Variants in SGCZ observed in about 807,000 individuals in gnomAD.
The protein encoded by SGCZ is sarcoglycan zeta.
In SGCZ, 40 loss-of-function variants were observed where a neutral mutation model predicts 41.3. The observed-to-expected ratio is 0.97, with a 90% CI of 0.75 to 1.26. SGCZ has a LOEUF of 1.26. SGCZ is among the 50% of genes most tolerant of loss of function. The pLI, the probability that SGCZ is intolerant of heterozygous loss-of-function variation, is 0.00. For missense variants in SGCZ, 552 were observed against 369.8 expected, an observed-to-expected ratio of 1.49 and a Z score of -4.04; for synonymous variants, 206 against 137.5, an observed-to-expected ratio of 1.50 and a Z score of -3.49.
chr8:14,374,973 G>A (rs1196142689), intron 2 of SGCZ, among the ~76,000 whole-genome samples: 2 of 152,142 alleles, frequency 1.3e-5, no homozygotes, highest in African/African-American at 4.8e-5. Context: ...ATTATGTAAG[G>A]TTTCAGGTTT....
At chr8:14,177,815 C>T (rs376143421) in intron 4 of SGCZ, among the ~76,000 whole-genome samples, 15 of 151,544 alleles carry the variant, frequency 9.9e-5, no homozygotes, top group Admixed American at 7.9e-4. Flanking sequence ...TGAGCCACTG[C>T]GCCCGGCCCT....
At chr8:14,343,217 A>G (rs1206630384) in intron 2 of SGCZ, among the ~76,000 whole-genome samples, 1 of 152,230 alleles carries the variant, frequency 6.6e-6, no homozygotes. Context: ...AACCTCTGCT[A>G]GTGCAGTCCA....
intron 1 of SGCZ, among the ~76,000 whole-genome samples, chr8:14,891,208 G>C (rs1365303246): frequency 6.6e-6 from 1 of 152,220 alleles, no homozygotes; most frequent in Non-Finnish European, 1.5e-5. Context: ...GTCACAGATA[G>C]TAATTCCTCT....
intron 2 of SGCZ, among the ~76,000 whole-genome samples, chr8:14,410,242 G>A (rs1799322837): frequency 6.6e-6 from 1 of 152,010 alleles, no homozygotes; most frequent in Admixed American, 6.6e-5. Context: ...TTCTGCCTGT[G>A]GAAAACTGTC....
intron 3 of SGCZ, among the ~76,000 whole-genome samples, chr8:14,267,833 T>G (rs1585301095): frequency 1.3e-5 from 2 of 152,042 alleles, no homozygotes; most frequent in African/African-American, 4.8e-5. Context: ...CATTCTGTGT[T>G]TATCTCATAT....
chr8:14,857,145 A>G (rs1392769731), intron 1 of SGCZ, among the ~76,000 whole-genome samples: 2 of 152,098 alleles, frequency 1.3e-5, no homozygotes, highest in Non-Finnish European at 2.9e-5. Flanking sequence ...TCTCTTGTTC[A>G]TGATCCAGCC....
intron 1 of SGCZ, among the ~76,000 whole-genome samples, chr8:15,025,302 TC>T (rs1453951271): frequency 2.0e-4 from 31 of 152,294 alleles, no homozygotes; most frequent in East Asian, 1.9e-3. Context: ...GTATTTTTTT[TC>T]TAATTGAGAC....
At chr8:14,927,209 C>G (rs1195577983) in intron 1 of SGCZ, among the ~76,000 whole-genome samples, 2 of 147,702 alleles carry the variant, frequency 1.4e-5, no homozygotes, top group African/African-American at 2.5e-5. Context: ...CCGAGGTTGA[C>G]GCCATTCTCC....
At chr8:14,093,126 T>A (rs1412617950) in intron 7 of SGCZ, among the ~76,000 whole-genome samples, 1 of 152,086 alleles carries the variant, frequency 6.6e-6, no homozygotes, top group Non-Finnish European at 1.5e-5. Flanking sequence ...GATATATAGC[T>A]TATGATTGTC....
rs139779818 is a variant in SGCZ at position 14,145,705 on chromosome 8, C to T, written c.547+18875G>A. ...GAAAATTCAAAGAAATTCAAGATAA[C>T]ACAGATAAGGAATTCAGAATGCTAC... On this transcript the variant is annotated intron_variant, in intron 5 of 7. Transcript: ENST00000382080. 4.7e-3 allele frequency among the ~76,000 whole-genome samples: 710 copies of T among 152,202 alleles called. 5 individuals are homozygous for T. The highest frequency in any genetic ancestry group is 6.7e-3 in the Non-Finnish European group (459 of 68,004).
chr8:15,066,677 G>A (rs76837210), intron 1 of SGCZ, among the ~76,000 whole-genome samples: 1 of 151,912 alleles, frequency 6.6e-6, no homozygotes, highest in Non-Finnish European at 1.5e-5. Flanking sequence ...TTTTTACATT[G>A]ACTATATCGC....
At chr8:14,759,817 T>A (rs763824150) in intron 1 of SGCZ, among the ~76,000 whole-genome samples, 6 of 152,128 alleles carry the variant, frequency 3.9e-5, no homozygotes, top group Non-Finnish European at 8.8e-5. Context: ...GATGGTGCCT[T>A]CACACAACTA....
intron 1 of SGCZ, among the ~76,000 whole-genome samples, chr8:14,620,161 C>T (rs1312335270): frequency 6.6e-6 from 1 of 152,072 alleles, no homozygotes; most frequent in Non-Finnish European, 1.5e-5. Context: ...TGATCTTTGA[C>T]AAACCTGACA....
At chr8:15,019,642 G>A (rs1803178279) in intron 1 of SGCZ, among the ~76,000 whole-genome samples, 1 of 151,536 alleles carries the variant, frequency 6.6e-6, no homozygotes, top group African/African-American at 2.4e-5. Context: ...AAGGGAGGTG[G>A]GGGGCATTCT....
In SGCZ at chr8:14,734,273, T is replaced by G. The variant is rs539434802; in HGVS notation, c.40-179347A>C. The stretch of plus-strand genomic sequence containing the variant: ...AGAATGTAAATTTAGCATAAGATGG[T>G]AGGAAGAGAAAATAAGATATCTACA... On this transcript the variant is annotated intron_variant, in intron 1 of 7. Transcript: ENST00000382080. 3.3e-5 allele frequency among the ~76,000 whole-genome samples: 5 copies of G among 152,166 alleles called. No individual in the cohort carries two copies. The South Asian group carries it at 1.0e-3, about 32-fold the overall frequency.
chr8:14,365,650 C>T (rs183602333), intron 2 of SGCZ, among the ~76,000 whole-genome samples: 19 of 152,112 alleles, frequency 1.2e-4, no homozygotes, highest in Admixed American at 1.2e-3. Context: ...AATAATTCAC[C>T]ATAAAATCTA....
intron 1 of SGCZ, among the ~76,000 whole-genome samples, chr8:15,147,135 G>GA (rs1423016538): frequency 6.6e-6 from 1 of 152,102 alleles, no homozygotes. Context: ...GTATACCTAT[G>GA]ATATTAATAC....
At chr8:14,264,995 A>G (rs970131683) in intron 3 of SGCZ, among the ~76,000 whole-genome samples, 52 of 152,104 alleles carry the variant, frequency 3.4e-4, no homozygotes, top group African/African-American at 1.0e-3. Flanking sequence ...ACACAAAAAA[A>G]CAAAAAAACA....
At chr8:14,296,951 C>T (rs537949290) in intron 3 of SGCZ, among the ~76,000 whole-genome samples, 144 of 151,802 alleles carry the variant, frequency 9.5e-4, no homozygotes, top group African/African-American at 3.1e-3. Context: ...GTCGGATTTT[C>T]GCTCTTGTTG....
Sources: gnomAD v4.1 joint callset for allele counts (sites outside exome capture counted in the v4.1 genomes callset) on GRCh38, gnomAD v4.1.1 for gene constraint, MANE v1.5 for transcripts, NCBI Gene and HGNC (gene_info 2026-07-23, HGNC 2026-07-21) for gene names.